DKK2: variants seen among roughly 807,000 people sequenced by gnomAD.
The protein encoded by DKK2 is dickkopf Wnt signaling pathway inhibitor 2, also known as dickkopf-related protein 2.
DKK2 carries 11 observed loss-of-function variants against 28.1 expected under a neutral mutation model. That is an observed-to-expected ratio of 0.39 (90% CI 0.25 to 0.65). DKK2 has a LOEUF of 0.65. DKK2 is among the 30% of genes least tolerant of loss of function. DKK2 has a pLI of 0.47. For synonymous variants in DKK2, 135 were observed against 126.5 expected, an observed-to-expected ratio of 1.07 and a Z score of -0.45; for missense variants, 326 against 335.5, an observed-to-expected ratio of 0.97 and a Z score of 0.22.
At chr4:106,961,166 G>A (rs1722679379) in intron 1 of DKK2, among the ~76,000 whole-genome samples, 1 of 151,870 alleles carries the variant, frequency 6.6e-6, no homozygotes, top group African/African-American at 2.4e-5. Context: ...TACTAATTTT[G>A]GCTTGACAAT....
At chr4:106,939,973 G>A (rs1222344680) in intron 1 of DKK2, among the ~76,000 whole-genome samples, 1 of 152,154 alleles carries the variant, frequency 6.6e-6, no homozygotes, top group Non-Finnish European at 1.5e-5. Context: ...ATGGATTACA[G>A]ACTTAAACGT....
At chr4:106,983,368 G>GAAAGAAAGAAAGAAAGGAAGAAAGA (rs35298593) in intron 1 of DKK2, among the ~76,000 whole-genome samples, 1 of 92,660 alleles carries the variant, frequency 1.1e-5, no homozygotes, top group Non-Finnish European at 2.3e-5. Context: ...AAGAAAGAAA[G>GAAAGAAAGAAAGAAAGGAAGAAAGA]AAGAAAGAAA....
chr4:106,985,208 C>CAAA (rs569150141), intron 1 of DKK2, among the ~76,000 whole-genome samples: 39 of 49,346 alleles, frequency 7.9e-4, no homozygotes, highest in African/African-American at 2.3e-3. Flanking sequence ...TACTCCATCT[C>CAAA]AAAAAAAAAA....
At chr4:106,934,823 T>C (rs977362492) in intron 1 of DKK2, among the ~76,000 whole-genome samples, 11 of 152,216 alleles carry the variant, frequency 7.2e-5, no homozygotes, top group African/African-American at 1.9e-4. Flanking sequence ...ATTCATTCTA[T>C]GGTGAAATGA....
chr4:107,023,476 T>C (rs962755814), intron 1 of DKK2, among the ~76,000 whole-genome samples: 1 of 151,916 alleles, frequency 6.6e-6, no homozygotes, highest in Non-Finnish European at 1.5e-5. Flanking sequence ...ATATCAGGCA[T>C]TAGAGAGGAG....
intron 1 of DKK2, among the ~76,000 whole-genome samples, chr4:106,951,378 A>G (rs897814787): frequency 4.6e-5 from 7 of 152,202 alleles, no homozygotes; most frequent in Non-Finnish European, 8.8e-5. Context: ...AAGGATACCT[A>G]CATTCACATG....
chr4:106,995,666 G>A (rs552717259), intron 1 of DKK2, among the ~76,000 whole-genome samples: 2 of 152,294 alleles, frequency 1.3e-5, no homozygotes, highest in East Asian at 1.9e-4. Context: ...AGGCTGGAGT[G>A]CAGTGGCGCG....
chr4:106,986,193 C>T (rs114558201), intron 1 of DKK2, among the ~76,000 whole-genome samples: 3,632 of 152,274 alleles, frequency 0.024, 71 homozygotes, highest in Non-Finnish European at 0.036. Flanking sequence ...TGTATTTTGA[C>T]GCTAAATGGC....
At chr4:106,978,597 A>G (rs1314903943) in intron 1 of DKK2, among the ~76,000 whole-genome samples, 1 of 152,002 alleles carries the variant, frequency 6.6e-6, no homozygotes, top group Non-Finnish European at 1.5e-5. Flanking sequence ...CCCCCCACCA[A>G]GCTCAAGCAT....
intron 1 of DKK2, among the ~76,000 whole-genome samples, chr4:106,951,041 C>G (rs1157171549): frequency 6.6e-6 from 1 of 151,788 alleles, no homozygotes; most frequent in Non-Finnish European, 1.5e-5. Context: ...TTTGATTCAC[C>G]CATGTTGTTG....
Position 106,923,186 on chromosome 4 carries a change from A to G in DKK2, c.*768T>C, listed in dbSNP as rs1724373155. 1 of 152,192 alleles carries G rather than the reference A, an allele frequency of 6.6e-6. No individual in the cohort carries two copies. Among genetic ancestry groups the G allele is most frequent in the Admixed American group, 6.5e-5 (1 of 15,268 alleles). The allele number at this position is 152,192 out of a possible 1,614,324, so 9.4% of individuals were successfully genotyped here. ...TCAGAGCAGGAATCACATAGGATAA[A>G]GAGAGATATACTGTCATTCCGTAGA... On this transcript the variant is annotated 3_prime_UTR_variant, in exon 4 of 4. Coordinates refer to ENST00000285311, the MANE Select transcript of DKK2 (RefSeq NM_014421.3).
Position 106,924,667 on chromosome 4 carries a change from G to A in DKK2, c.407C>T (p.Thr136Ile), listed in dbSNP as rs761722065. The A allele has an allele frequency of 1.2e-6, 2 of 1,613,710 alleles. No homozygotes were observed. Among genetic ancestry groups the A allele is most frequent in the Non-Finnish European group, 1.7e-6 (2 of 1,179,750 alleles). ...ICIPVTESIL[T>I]PHIPALDGTR... is the part of the protein sequence containing the mutation. ...ACCATCCAGAGCCGGGATGTGAGGG[G>A]TTAAGATGCTTTCAGTAACTGGGAT... Residue 136 changes from threonine (T) to isoleucine (I), a missense_variant, in exon 3 of 4, where the codon ACC becomes ATC. By Grantham distance (89) the Thr-to-Ile change is moderately conservative (BLOSUM62 -1). Coordinates refer to ENST00000285311, the MANE Select transcript of DKK2 (RefSeq NM_014421.3).
chr4:106,934,000 G>A (rs867042280), intron 1 of DKK2, among the ~76,000 whole-genome samples: 8 of 146,112 alleles, frequency 5.5e-5, no homozygotes, highest in Non-Finnish European at 9.0e-5. Context: ...GTGTATATAT[G>A]TATGTATATA....
In DKK2 at chr4:106,923,296, G is replaced by C. The variant is rs946971588; in HGVS notation, c.*658C>G. 1 of 152,066 alleles carries C rather than the reference G, an allele frequency of 6.6e-6. No individual in the cohort carries two copies. The highest frequency in any genetic ancestry group is 2.4e-5 in the African/African-American group (1 of 41,402). The allele number at this position is 152,066 out of a possible 1,614,324, so 9.4% of individuals were successfully genotyped here. A position where few individuals can be genotyped will look rare whatever the true frequency, so the allele number is the denominator to read the frequency against. ...TTTTGAAAAAAAAGTATTTGTGGCTGTTTGTTTGTTATTTATTTGTCTTCC... is the reference window on the plus strand; with the variant it reads ...TTTTGAAAAAAAAGTATTTGTGGCTCTTTGTTTGTTATTTATTTGTCTTCC... On this transcript the variant is annotated 3_prime_UTR_variant, in exon 4 of 4. Coordinates refer to ENST00000285311, the MANE Select transcript of DKK2 (RefSeq NM_014421.3).
At chr4:107,010,831 A>G (rs1424017590) in intron 1 of DKK2, among the ~76,000 whole-genome samples, 7 of 151,302 alleles carry the variant, frequency 4.6e-5, no homozygotes, top group African/African-American at 1.7e-4. Flanking sequence ...TAGTTACCAT[A>G]TTAGAAAATA....
At chr4:106,980,934 T>C (rs757421003) in intron 1 of DKK2, among the ~76,000 whole-genome samples, 1 of 152,178 alleles carries the variant, frequency 6.6e-6, no homozygotes, top group Non-Finnish European at 1.5e-5. Flanking sequence ...TGGTCTCACT[T>C]TGTCCTTACA....
At chr4:106,960,498 C>G (rs1228241614) in intron 1 of DKK2, among the ~76,000 whole-genome samples, 1 of 151,766 alleles carries the variant, frequency 6.6e-6, no homozygotes, top group Non-Finnish European at 1.5e-5. Flanking sequence ...GACAGGTGCA[C>G]TAAAATCCCA....
At chr4:106,958,295 C>T (rs939417416) in intron 1 of DKK2, among the ~76,000 whole-genome samples, 6 of 151,796 alleles carry the variant, frequency 4.0e-5, no homozygotes, top group South Asian at 2.1e-4. Flanking sequence ...GATGCAAACC[C>T]GAGATCTATG....
intron 1 of DKK2, among the ~76,000 whole-genome samples, chr4:106,971,337 C>T (rs976506108): frequency 2.6e-5 from 4 of 151,978 alleles, no homozygotes. Context: ...CAATAGTAGC[C>T]CCAGAATTCA....
Sources: gnomAD v4.1 joint callset for allele counts (sites outside exome capture counted in the v4.1 genomes callset) on GRCh38, gnomAD v4.1.1 for gene constraint, MANE v1.5 for transcripts, NCBI Gene and HGNC (gene_info 2026-07-23, HGNC 2026-07-21) for gene names.